ERC2: variants seen among roughly 807,000 people sequenced by gnomAD.
ERC2 encodes the protein ELKS/RAB6-interacting/CAST family member 2.
In ERC2, 42 loss-of-function variants were observed where a neutral mutation model predicts 114.8. The ratio of observed to expected loss-of-function variants is 0.37; its 90% confidence interval spans 0.29 to 0.47. ERC2 has a LOEUF of 0.47. Among genes scored for constraint, ERC2 ranks in the 20% least tolerant of loss-of-function variants. ERC2 has a pLI of 0.99. For missense variants in ERC2, 939 were observed against 1,150.7 expected (o/e 0.82, Z 2.66); for synonymous variants, 454 against 425.5 (o/e 1.07, Z -0.82).
intron 17 of ERC2, among the ~76,000 whole-genome samples, chr3:55,645,410 A>G (rs73833504): frequency 1.9e-3 from 290 of 152,228 alleles, no homozygotes; most frequent in African/African-American, 6.6e-3. Flanking sequence ...CTAACATCCA[A>G]TCCCTCACTT....
intron 2 of ERC2, among the ~76,000 whole-genome samples, chr3:56,391,733 C>G (rs1269869528): frequency 6.6e-6 from 1 of 151,876 alleles, no homozygotes; most frequent in African/African-American, 2.4e-5. Context: ...ATAAGGCAAT[C>G]GTGCACAGGA....
intron 15 of ERC2, among the ~76,000 whole-genome samples, chr3:55,717,738 C>T (rs2064208234): frequency 6.6e-6 from 1 of 152,160 alleles, no homozygotes; most frequent in African/African-American, 2.4e-5. Context: ...CTATCCTTTG[C>T]ATTCTCTGAG....
At chr3:55,640,085 C>G (rs1042108248) in intron 17 of ERC2, among the ~76,000 whole-genome samples, 1 of 152,208 alleles carries the variant, frequency 6.6e-6, no homozygotes, top group Admixed American at 6.5e-5. Flanking sequence ...CCACAATTCA[C>G]ACGTCCTGTG....
At chr3:55,737,923 G>A (rs1328903908) in intron 14 of ERC2, among the ~76,000 whole-genome samples, 1 of 152,140 alleles carries the variant, frequency 6.6e-6, no homozygotes, top group Non-Finnish European at 1.5e-5. Context: ...CAAAAGGCAG[G>A]CATGTTACTG....
At chr3:55,700,894 G>A (rs554885649) in intron 15 of ERC2, among the ~76,000 whole-genome samples, 1 of 152,234 alleles carries the variant, frequency 6.6e-6, no homozygotes, top group East Asian at 1.9e-4. Flanking sequence ...CTGCTGTAAT[G>A]AGTGACCAAA....
intron 14 of ERC2, among the ~76,000 whole-genome samples, chr3:55,748,159 G>A (rs1419788632): frequency 6.6e-6 from 1 of 152,228 alleles, no homozygotes; most frequent in African/African-American, 2.4e-5. Flanking sequence ...GCTCACAGAA[G>A]TGAAATTTCC....
chr3:55,605,484 T>G (rs542393685), intron 17 of ERC2, among the ~76,000 whole-genome samples: 66 of 152,376 alleles, frequency 4.3e-4, no homozygotes, highest in African/African-American at 1.5e-3. Flanking sequence ...TTTTAAGAAT[T>G]ATTCTTTTCA....
chr3:56,053,986 G>T (rs1333576921), intron 7 of ERC2, among the ~76,000 whole-genome samples: 1 of 152,124 alleles, frequency 6.6e-6, no homozygotes, highest in Non-Finnish European at 1.5e-5. Flanking sequence ...CGAATAGGCT[G>T]AGATCATTTA....
chr3:56,467,255 A>G (rs931516138), intron 1 of ERC2: 3 of 152,138 alleles, frequency 2.0e-5, no homozygotes, highest in African/African-American at 4.8e-5. Flanking sequence ...TTTGGGTTCC[A>G]CCGGTCCCCA....
intron 17 of ERC2, among the ~76,000 whole-genome samples, chr3:55,574,333 G>C (rs1457079972): frequency 6.6e-6 from 1 of 152,158 alleles, no homozygotes; most frequent in Non-Finnish European, 1.5e-5. Flanking sequence ...TCTTGGGCAG[G>C]ACTTTCCTTT....
At chr3:56,197,432 G>A (rs1160551228) in intron 3 of ERC2, among the ~76,000 whole-genome samples, 1 of 152,150 alleles carries the variant, frequency 6.6e-6, no homozygotes, top group Non-Finnish European at 1.5e-5. Context: ...CAAGCCTGGA[G>A]GTGGAATATT....
intron 17 of ERC2, among the ~76,000 whole-genome samples, chr3:55,621,085 G>C (rs147849006): frequency 6.6e-6 from 1 of 152,162 alleles, no homozygotes; most frequent in East Asian, 1.9e-4. Flanking sequence ...CTTCATATTA[G>C]CATCATCCAT....
chr3:56,361,104 G>A (rs1402585609), intron 2 of ERC2, among the ~76,000 whole-genome samples: 3 of 152,122 alleles, frequency 2.0e-5, no homozygotes, highest in Non-Finnish European at 4.4e-5. Flanking sequence ...AGAAAGACCA[G>A]GGGCTGATTG....
At chr3:55,618,222 G>T (rs2059198267) in intron 17 of ERC2, among the ~76,000 whole-genome samples, 1 of 151,992 alleles carries the variant, frequency 6.6e-6, no homozygotes, top group South Asian at 2.1e-4. Flanking sequence ...AGTTAAATTG[G>T]AAAAGCAAAG....
At chr3:56,213,728 C>T (rs931251811) in intron 3 of ERC2, among the ~76,000 whole-genome samples, 25 of 152,190 alleles carry the variant, frequency 1.6e-4, no homozygotes, top group Non-Finnish European at 3.4e-4. Flanking sequence ...TCAAGTGGGT[C>T]CCTGACTCCC....
chr3:56,329,789 C>CTATATA (rs35065678), intron 2 of ERC2, among the ~76,000 whole-genome samples: 35 of 146,662 alleles, frequency 2.4e-4, no homozygotes, highest in African/African-American at 8.7e-4. Context: ...TGTATTTCCA[C>CTATATA]TATATATATA....
chr3:55,699,494 A>T lies in ERC2; in HGVS notation c.2731T>A (p.Leu911Met). 7 of 1,612,864 alleles carry T rather than the reference A, an allele frequency of 4.3e-6. No individual in the cohort carries two copies. Among genetic ancestry groups the T allele is most frequent in the Non-Finnish European group, 5.9e-6 (7 of 1,179,132 alleles). ...LKQQTQNRMK[L>M]MADNYDDDHH... Reference sequence around the variant, plus strand: ...TCATCATCATAGTTGTCTGCCATCAACTTCATTCTGTTCTGGGTCTGTGCA... The same window carrying T: ...TCATCATCATAGTTGTCTGCCATCATCTTCATTCTGTTCTGGGTCTGTGCA... Residue 911 changes from leucine (L) to methionine (M), a missense_variant, in exon 16 of 18, where the codon TTG (leucine) becomes ATG (methionine). Leu to Met is a conservative substitution (Grantham distance 15). Coordinates refer to ENST00000288221, the MANE Select transcript of ERC2 (RefSeq NM_015576.3).
chr3:56,223,720 T>C lies in ERC2; in HGVS notation c.1075-50200A>G, dbSNP rs77005393. Among the ~76,000 whole-genome samples the C allele has an allele frequency of 0.022, 3,314 of 152,190 alleles. 297 individuals carry two copies. In the East Asian group the frequency reaches 0.28, roughly 13 times the overall value. ...GTAGTGACTAATTAGGACCCAGCCC[T>C]AGTAATAAAGCAGGGGGCCAACATT... On this transcript the variant is annotated intron_variant, in intron 3 of 17. Coordinates refer to ENST00000288221, the MANE Select transcript of ERC2 (RefSeq NM_015576.3).
At chr3:55,846,575 T>C (rs907840464) in intron 14 of ERC2, among the ~76,000 whole-genome samples, 1 of 152,198 alleles carries the variant, frequency 6.6e-6, no homozygotes, top group Non-Finnish European at 1.5e-5. Context: ...GTTGCCATAC[T>C]GCTTTCCACA....
Sources: allele counts gnomAD v4.1 joint callset (sites outside exome capture counted in the v4.1 genomes callset), GRCh38; gene constraint gnomAD v4.1.1; transcripts MANE v1.5; gene names NCBI Gene and HGNC (gene_info 2026-07-23, HGNC 2026-07-21).